The following UNC79 variants were observed in gnomAD, a reference collection of about 807,000 sequenced individuals.
UNC79 encodes the protein protein unc-79 homolog.
A neutral mutation model predicts 283.1 loss-of-function variants in UNC79; 37 were observed. That is an observed-to-expected ratio of 0.13 (90% confidence interval 0.10 to 0.17). The LOEUF (loss-of-function observed/expected upper bound fraction) is 0.17, where lower values mean the gene tolerates loss of function less well. Ranked by LOEUF, UNC79 falls within the 10% of genes least tolerant of loss-of-function variation. The probability of loss-of-function intolerance (pLI) is 1.00; values close to 1 mark genes in which losing one functional copy is unlikely to be tolerated. For missense variants in UNC79, 2,272 were observed against 3,211.1 expected, an observed-to-expected ratio of 0.71 and a Z score of 7.07; for synonymous variants, 1,107 against 1,200.2, an observed-to-expected ratio of 0.92 and a Z score of 1.61.
Position 93,497,132 on chromosome 14 carries a change from A to C in UNC79, c.769-25A>C, listed in dbSNP as rs72691047. On this transcript the variant is annotated intron_variant, in intron 6 of 48. Coordinates refer to ENST00000555664, the Ensembl canonical transcript of UNC79. ...TCTTTTTATTTCATGATGCTAAGTC[A>C]AAATATGCTTGCTGTTTCCTTTAGG... The C allele has an allele frequency of 3.3e-3, 5,342 of 1,598,328 alleles. 12 individuals carry two copies. The highest frequency in any genetic ancestry group is 4.2e-3 in the Non-Finnish European group (4,965 of 1,174,618).
intron 38 of UNC79, among the ~76,000 whole-genome samples, chr14:93,657,348 CA>C (rs942192945): frequency 3.2e-5 from 4 of 124,180 alleles, no homozygotes; most frequent in Admixed American, 9.9e-5. Context: ...TGAGGTATGG[CA>C]AATTTTTTTT....
exon 38 of UNC79, chr14:93,655,319 C>T: frequency 1.9e-6 from 3 of 1,614,064 alleles, no homozygotes; most frequent in Non-Finnish European, 1.7e-6. Flanking sequence ...GAAGCTTTGC[C>T]TATGGATTCT....
chr14:93,515,907 T>C (rs1354737519), intron 7 of UNC79, among the ~76,000 whole-genome samples: 1 of 151,750 alleles, frequency 6.6e-6, no homozygotes, highest in Non-Finnish European at 1.5e-5. Context: ...TCTTTTGTGG[T>C]CCTTTTTTTG....
At chr14:93,454,444 T>TGTGTATGTGTATGTAGC (rs111318017) in intron 1 of UNC79, among the ~76,000 whole-genome samples, 3 of 151,682 alleles carry the variant, frequency 2.0e-5, no homozygotes, top group Non-Finnish European at 3.0e-5. Context: ...TGTATGTGTA[T>TGTGTATGTGTATGTAGC]ACATAATTAG....
At chr14:93,426,428 A>T (rs949707090), upstream of UNC79, among the ~76,000 whole-genome samples, 2 of 150,214 alleles carry the variant, frequency 1.3e-5, no homozygotes, top group East Asian at 1.9e-4. Flanking sequence ...ATTTGTTCTT[A>T]AATATTTTAA....
At chr14:93,466,850 A>G (rs1404711634) in intron 1 of UNC79, 1 of 985,278 alleles carries the variant, frequency 1.0e-6, no homozygotes, top group Non-Finnish European at 1.2e-6. Flanking sequence ...CCTTCACTAC[A>G]GCCAGGTCAA....
chr14:93,557,342 A>G (rs368818137), intron 14 of UNC79, among the ~76,000 whole-genome samples: 1 of 151,746 alleles, frequency 6.6e-6, no homozygotes, highest in South Asian at 2.1e-4. Context: ...TCAACTGTAA[A>G]TATCTCATGA....
intron 1 of UNC79, among the ~76,000 whole-genome samples, chr14:93,404,496 ATATATATATAT>A (rs2055182792): frequency 1.2e-5 from 1 of 82,288 alleles, no homozygotes; most frequent in African/African-American, 4.6e-5. Context: ...TAAAAAAAAT[ATATATATATAT>A]ATATATAAAT....
rs1251994841 is a variant in UNC79 at position 93,561,002 on chromosome 14, T to G, written c.1756-10892T>G. 4.6e-5 allele frequency among the ~76,000 whole-genome samples: 7 copies of G among 152,124 alleles called. No individual in the cohort carries two copies. The East Asian group carries it at 1.4e-3, about 30-fold the overall frequency. On this transcript the variant is annotated intron_variant, in intron 14 of 48. Coordinates refer to ENST00000555664, the Ensembl canonical transcript of UNC79. Reference sequence around the variant, plus strand: ...GGTATAAGTAAACAAGAAGAGGGCCTGGGAGGAGAGTCTGAAGAGCAAGGG... The same window carrying G: ...GGTATAAGTAAACAAGAAGAGGGCCGGGGAGGAGAGTCTGAAGAGCAAGGG...
rs370584357 is a variant in UNC79, at chr14:93,540,712, C to A, written c.1405C>A (p.Arg469=). The change falls in exon 13 of 49, where the codon CGG becomes AGG. Residue 469 remains arginine, a synonymous_variant. Coordinates refer to ENST00000555664, the Ensembl canonical transcript of UNC79. The stretch of plus-strand genomic sequence containing the variant: ...TGAGCAGCGAGAACATGAGCTGAAC[C>A]GGCGGCGGCAGCTGGGCCTCTCCTC... 8.7e-6 allele frequency: 14 copies of A among 1,613,654 alleles called. No homozygotes were observed. In the East Asian group the frequency reaches 3.1e-4, roughly 36 times the overall value.
intron 22 of UNC79, among the ~76,000 whole-genome samples, chr14:93,591,478 T>C (rs1463951549): frequency 1.3e-5 from 2 of 152,242 alleles, no homozygotes; most frequent in Non-Finnish European, 2.9e-5. Flanking sequence ...GCATTATTTA[T>C]TGTATTCTTA....
Position 93,629,881 on chromosome 14 carries a change from C to T in UNC79, c.5609-920C>T, listed in dbSNP as rs182737323. Among the ~76,000 whole-genome samples the T allele has an allele frequency of 1.2e-4, 18 of 152,306 alleles. 1 individual carries two copies. Among genetic ancestry groups the T allele is most frequent in the Admixed American group, 1.2e-3 (18 of 15,296 alleles). On this transcript the variant is annotated intron_variant, in intron 30 of 48. Coordinates refer to ENST00000555664, the Ensembl canonical transcript of UNC79. ...GGGAGCCCATGGTGGTAACTCCAAGCCAGCAAGATGCTCAGTATATTCACT... is the reference window on the plus strand; with the variant it reads ...GGGAGCCCATGGTGGTAACTCCAAGTCAGCAAGATGCTCAGTATATTCACT...
At position 93,621,113 on chromosome 14, in the gene UNC79, A is replaced by G. The variant is rs138433654; in HGVS notation, c.4388-508A>G. The stretch of plus-strand genomic sequence containing the variant: ...TACCGTTTGTTTGGGGTGAAATCTT[A>G]ATTTTATTATGTTACTACACATTTT... On this transcript the variant is annotated intron_variant, in intron 29 of 48. Transcript: ENST00000555664. This position sits in a 1 kb window ranked among gnomAD's most constrained non-coding sequence, Gnocchi z 4.8. 362 of 443,014 alleles carry G rather than the reference A, an allele frequency of 8.2e-4. 1 individual carries two copies. Among genetic ancestry groups the G allele is most frequent in the Admixed American group, 2.2e-3 (84 of 38,524 alleles). The allele number at this position is 443,014 out of a possible 1,614,324, so 27.4% of individuals were successfully genotyped here.
In UNC79 at chr14:93,542,630, C is replaced by T. The variant is rs550575426; in HGVS notation, c.1689C>T (p.Thr563=). ...AGTTTGTCACCAAATGGCTGAAGAC[C>T]GTATGTGATGTTCGCTTCGATGTCA... The change falls in exon 14 of 49, where the codon ACC becomes ACT. Residue 563 remains threonine (T), a synonymous_variant. Transcript: ENST00000555664. The T allele has an allele frequency of 4.7e-5, 76 of 1,614,148 alleles. No homozygotes were observed. In the South Asian group the frequency reaches 4.7e-4, roughly 10 times the overall value.
chr14:93,396,019 A>G lies in UNC79; in HGVS notation c.-351+62496A>G, dbSNP rs188949806. Among the ~76,000 whole-genome samples, 406 of 152,090 alleles carry G rather than the reference A, an allele frequency of 2.7e-3. 1 individual carries two copies. The highest frequency in any genetic ancestry group is 9.2e-3 in the African/African-American group (383 of 41,506). The stretch of plus-strand genomic sequence containing the variant: ...TCTCCTTCTAGGACTCTTATTATGC[A>G]TATGTTTGCATGCTTGATGTCTCAT... On this transcript the variant is annotated intron_variant, in intron 1 of 49. Transcript: ENST00000256339.
chr14:93,551,239 C>T (rs2061881783), intron 14 of UNC79, among the ~76,000 whole-genome samples: 2 of 152,088 alleles, frequency 1.3e-5, no homozygotes, highest in African/African-American at 4.8e-5. Context: ...TTAGTAGAGA[C>T]GGGGTTTCAC....
In UNC79 at chr14:93,577,934, G is replaced by A. The variant is rs987237633; in HGVS notation, c.2304G>A (p.Leu768=). Residue 768 remains leucine (L), a synonymous_variant, in exon 18 of 49, where the codon TTG becomes TTA. Transcript: ENST00000555664. The stretch of plus-strand genomic sequence containing the variant: ...TCCAGAGTCCGTTTCGGAGTCCTTT[G>A]CGTAGTCCGTTTCGTAGCCCTTTCA... The A allele has an allele frequency of 6.2e-6, 10 of 1,614,056 alleles. No homozygotes were observed. The African/African-American group carries it at 1.1e-4, about 17-fold the overall frequency.
At chr14:93,670,416 CAATT>C (rs2072716616) in intron 40 of UNC79, among the ~76,000 whole-genome samples, 1 of 152,130 alleles carries the variant, frequency 6.6e-6, no homozygotes, top group African/African-American at 2.4e-5. Flanking sequence ...TCTTTGGGCT[CAATT>C]AATTTGGTAG....
intron 7 of UNC79, among the ~76,000 whole-genome samples, chr14:93,510,198 C>G (rs1567026413): frequency 6.6e-6 from 1 of 152,172 alleles, no homozygotes; most frequent in Non-Finnish European, 1.5e-5. Context: ...GGGGCCCTGC[C>G]CATGAAACCA....
Sources: gnomAD v4.1 joint callset for allele counts (sites outside exome capture counted in the v4.1 genomes callset) on GRCh38, gnomAD v4.1.1 for gene constraint, Gnocchi (gnomAD v3.1) non-coding constraint, MANE v1.5 for transcripts, NCBI Gene and HGNC (gene_info 2026-07-23, HGNC 2026-07-21) for gene names.